IFFO2: variants seen among roughly 807,000 people sequenced by gnomAD.
IFFO2 encodes the protein intermediate filament family orphan 2.
IFFO2 carries 19 observed loss-of-function variants against 53.5 expected under a neutral mutation model. The observed-to-expected ratio is 0.36, with a 90% CI of 0.25 to 0.52. The LOEUF (loss-of-function observed/expected upper bound fraction) is 0.52. Among genes scored for constraint, IFFO2 ranks in the 20% least tolerant of loss-of-function variants. The probability of loss-of-function intolerance (pLI) is 0.94; values close to 1 mark genes in which losing one functional copy is unlikely to be tolerated. For synonymous variants in IFFO2, 303 were observed against 313.6 expected (o/e 0.97, Z 0.36); for missense variants, 570 against 727.4 (o/e 0.78, Z 2.49).
At chr1:18,950,490 G>T (rs1936646362) in intron 1 of IFFO2, among the ~76,000 whole-genome samples, 3 of 152,170 alleles carry the variant, frequency 2.0e-5, no homozygotes, top group Admixed American at 6.5e-5. Context: ...GACGAAGCGG[G>T]GAGCTCCACG....
At chr1:18,952,226 A>G (rs1936667888) in intron 1 of IFFO2, among the ~76,000 whole-genome samples, 1 of 152,072 alleles carries the variant, frequency 6.6e-6, no homozygotes, top group South Asian at 2.1e-4. Context: ...TTCCAAATCA[A>G]CGCTTGACAA....
chr1:18,955,651 G>A lies in IFFO2; in HGVS notation c.665+17C>T, dbSNP rs752588989. 1.2e-5 allele frequency: 19 copies of A among 1,557,294 alleles called. No homozygotes were observed. The highest frequency in any genetic ancestry group is 1.9e-5 in the Admixed American group (1 of 53,370). On this transcript the variant is annotated intron_variant, in intron 1 of 8. Coordinates refer to ENST00000455833, the MANE Select transcript of IFFO2 (RefSeq NM_001136265.2). ...GGCGCCCCGTCCCAGGGCGGCGGGG[G>A]AGGGGCGGCCACTCACCTCCGCTTA...
rs1306089252 is a variant in IFFO2 at position 18,936,535 on chromosome 1, C to T, written c.666-15414G>A. Among the ~76,000 whole-genome samples the T allele has an allele frequency of 6.6e-6, 1 of 152,198 alleles. No homozygotes were observed. The highest frequency in any genetic ancestry group is 1.5e-5 in the Non-Finnish European group (1 of 68,028). ...TGTGCCCAGGAGAGTGTGGGGGCCC[C>T]CAGGCCCAGGGTTATGTTTACAGCT... On this transcript the variant is annotated intron_variant, in intron 1 of 8. Transcript: ENST00000455833. This position sits in a 1 kb window ranked among gnomAD's most constrained non-coding sequence, Gnocchi z 4.5.
rs1293761940 is a variant in IFFO2, at chr1:18,928,480, T to C, written c.666-7359A>G. Reference sequence around the variant, plus strand: ...CGGAGCACAGGCTGTACACTGAGGATGGGGGCCAGGTTTGAGAAGCCACTA... The same window carrying C: ...CGGAGCACAGGCTGTACACTGAGGACGGGGGCCAGGTTTGAGAAGCCACTA... On this transcript the variant is annotated intron_variant, in intron 1 of 8. Coordinates refer to ENST00000455833, the MANE Select transcript of IFFO2 (RefSeq NM_001136265.2). The surrounding 1 kb of genome is among the most constrained non-coding windows in gnomAD (Gnocchi z 4.9). Among the ~76,000 whole-genome samples the C allele has an allele frequency of 6.6e-6, 1 of 152,168 alleles. No individual in the cohort carries two copies. Among genetic ancestry groups the C allele is most frequent in the East Asian group, 1.9e-4 (1 of 5,190 alleles).
intron 1 of IFFO2, among the ~76,000 whole-genome samples, chr1:18,950,967 C>T (rs1245624567): frequency 6.6e-6 from 1 of 152,198 alleles, no homozygotes; most frequent in Non-Finnish European, 1.5e-5. Context: ...AACAAAGCCT[C>T]GACTGCTGGC....
At chr1:18,954,728 C>A (rs1353502008) in intron 1 of IFFO2, among the ~76,000 whole-genome samples, 2 of 152,238 alleles carry the variant, frequency 1.3e-5, no homozygotes, top group African/African-American at 4.8e-5. Flanking sequence ...GGCCAGACTG[C>A]AGACAGGAAG....
chr1:18,945,444 G>A (rs1479368093), intron 1 of IFFO2, among the ~76,000 whole-genome samples: 1 of 152,218 alleles, frequency 6.6e-6, no homozygotes, highest in Non-Finnish European at 1.5e-5. Context: ...GATCTACTTA[G>A]ACCAGTAGCT....
At chr1:18,913,227 G>A (rs906354099) in intron 5 of IFFO2, among the ~76,000 whole-genome samples, 9 of 152,218 alleles carry the variant, frequency 5.9e-5, no homozygotes, top group Admixed American at 1.3e-4. Context: ...GAGTCAGGCC[G>A]GGCCGGCTCC....
chr1:18,915,767 C>T (rs187278171), intron 5 of IFFO2, among the ~76,000 whole-genome samples: 14 of 152,296 alleles, frequency 9.2e-5, no homozygotes, highest in African/African-American at 2.9e-4. Context: ...GCAAGCCGTG[C>T]GGTCAACACA....
Position 18,919,840 on chromosome 1 carries a change from C to A in IFFO2, c.727-67G>T, listed in dbSNP as rs1936192564. 5 of 1,174,844 alleles carry A rather than the reference C, an allele frequency of 4.3e-6. No homozygotes were observed. In the East Asian group the frequency reaches 7.7e-5, roughly 18 times the overall value. 72.8% of individuals were successfully genotyped at this position (1,174,844 alleles called of 1,614,324 possible). A position where few individuals can be genotyped will look rare whatever the true frequency, so the allele number is the denominator to read the frequency against. On this transcript the variant is annotated intron_variant, in intron 2 of 8. Coordinates refer to ENST00000455833, the MANE Select transcript of IFFO2 (RefSeq NM_001136265.2). The surrounding 1 kb of genome is among the most constrained non-coding windows in gnomAD (Gnocchi z 4.9). ...CTCTGGGGATAGGAGGGTCTGGACA[C>A]CTGAGTCCAGAGCCCTAGGCACCCG...
chr1:18,950,530 C>T (rs550441811), intron 1 of IFFO2, among the ~76,000 whole-genome samples: 2 of 152,356 alleles, frequency 1.3e-5, no homozygotes, highest in Admixed American at 1.3e-4. Context: ...GCCACTTGCC[C>T]ATGTTCACAC....
intron 1 of IFFO2, among the ~76,000 whole-genome samples, chr1:18,954,153 G>C (rs1936694077): frequency 6.6e-6 from 1 of 152,228 alleles, no homozygotes; most frequent in Non-Finnish European, 1.5e-5. Context: ...TGGAGTGTAA[G>C]ACCTACCCCC....
At chr1:18,939,495 G>C (rs1936494142) in intron 1 of IFFO2, among the ~76,000 whole-genome samples, 1 of 152,324 alleles carries the variant, frequency 6.6e-6, no homozygotes, top group Non-Finnish European at 1.5e-5. Context: ...AGTGATCCCT[G>C]GGATTCAGGC....
chr1:18,927,466 C>T (rs996708665), intron 1 of IFFO2, among the ~76,000 whole-genome samples: 1 of 152,258 alleles, frequency 6.6e-6, no homozygotes, highest in African/African-American at 2.4e-5. Context: ...CTCAGCTCCA[C>T]CCTGGCCTCG....
At chr1:18,920,471 G>A (rs1181740620) in intron 2 of IFFO2, among the ~76,000 whole-genome samples, 1 of 152,212 alleles carries the variant, frequency 6.6e-6, no homozygotes, top group Non-Finnish European at 1.5e-5. Flanking sequence ...TGCTACTCTT[G>A]CTCCCACTTG....
intron 1 of IFFO2, among the ~76,000 whole-genome samples, chr1:18,932,890 G>A (rs963556371): frequency 6.6e-6 from 1 of 152,202 alleles, no homozygotes; most frequent in Non-Finnish European, 1.5e-5. Flanking sequence ...CCATATCCCA[G>A]TGCCTGGCAC....
intron 1 of IFFO2, 53 bp from the exon 2 acceptor site, chr1:18,921,174 C>G: frequency 6.7e-7 from 1 of 1,490,388 alleles, no homozygotes; most frequent in Non-Finnish European, 9.2e-7. Context: ...CTGTGCCAGT[C>G]CAGCCCTCAG....
At chr1:18,923,346 G>A (rs1055983252) in intron 1 of IFFO2, among the ~76,000 whole-genome samples, 3 of 152,206 alleles carry the variant, frequency 2.0e-5, no homozygotes, top group Admixed American at 1.3e-4. Flanking sequence ...GCGAGGCAGG[G>A]GCCAATAGAA....
At chr1:18,913,912 G>C (rs1049721279) in intron 5 of IFFO2, among the ~76,000 whole-genome samples, 3 of 152,016 alleles carry the variant, frequency 2.0e-5, no homozygotes, top group Non-Finnish European at 4.4e-5. Context: ...CTCACTGCAG[G>C]CTCCGCCCCC....
Sources: gnomAD v4.1 joint callset for allele counts (sites outside exome capture counted in the v4.1 genomes callset) on GRCh38, gnomAD v4.1.1 for gene constraint, Gnocchi (gnomAD v3.1) non-coding constraint, MANE v1.5 for transcripts, NCBI Gene and HGNC (gene_info 2026-07-23, HGNC 2026-07-21) for gene names.